The following DTYMK variants were observed in gnomAD, a reference collection of about 807,000 sequenced individuals.
DTYMK encodes thymidylate kinase.
A neutral mutation model predicts 20.3 loss-of-function variants in DTYMK; 20 were observed. The observed-to-expected ratio is 0.99, with a 90% CI of 0.69 to 1.43. The LOEUF is 1.43. Ranked by LOEUF, DTYMK falls within the 40% of genes most tolerant of loss-of-function variation. DTYMK has a pLI of 0.00. For synonymous variants in DTYMK, 148 were observed against 124.4 expected (o/e 1.19, Z -1.27); for missense variants, 320 against 291.1 (o/e 1.10, Z -0.72).
chr2:241,676,084 CG>C lies in DTYMK; in HGVS notation c.*42del. ...GGCCTTCCGCGAGTCTCCCACCTCT[CG>C]GGGGACTGCAGGGAGAGGCGTCTCC... On this transcript the variant is annotated 3_prime_UTR_variant, in exon 5 of 5. Transcript: ENST00000305784. 2 of 1,561,482 alleles carry C rather than the reference CG, an allele frequency of 1.3e-6. No homozygotes were observed.
At chr2:241,679,572 G>A (rs1329938906) in intron 3 of DTYMK, among the ~76,000 whole-genome samples, 1 of 152,082 alleles carries the variant, frequency 6.6e-6, no homozygotes, top group East Asian at 1.9e-4. Context: ...AGTTGTTATA[G>A]CGAGCTTTGC....
intron 4 of DTYMK, among the ~76,000 whole-genome samples, chr2:241,677,498 G>C (rs1440269281): frequency 2.0e-5 from 3 of 152,284 alleles, no homozygotes; most frequent in Non-Finnish European, 4.4e-5. Flanking sequence ...TCTGGAGGAG[G>C]AGCTCAAGGG....
Position 241,676,006 on chromosome 2 carries a change from G to T in DTYMK, c.*121C>A. 1 of 978,568 alleles carries T rather than the reference G, an allele frequency of 1.0e-6. No homozygotes were observed. Among genetic ancestry groups the T allele is most frequent in the Non-Finnish European group, 1.4e-6 (1 of 689,676 alleles). 60.6% of individuals were successfully genotyped at this position (978,568 alleles called of 1,614,324 possible). ...CAGAAGAGGCAGCCTGCAGATCTCTGCTGCCGGGAAAGAGCTCCTGAAGTT... is the reference window on the plus strand; with the variant it reads ...CAGAAGAGGCAGCCTGCAGATCTCTTCTGCCGGGAAAGAGCTCCTGAAGTT... On this transcript the variant is annotated 3_prime_UTR_variant, in exon 5 of 5. Transcript: ENST00000305784.
chr2:241,677,148 G>C (rs573620452), intron 4 of DTYMK, among the ~76,000 whole-genome samples: 101 of 152,356 alleles, frequency 6.6e-4, no homozygotes, highest in Non-Finnish European at 1.2e-3. Flanking sequence ...CCCTTCTCAA[G>C]CTTCTGGGAC....
At chr2:241,683,465 G>C (rs2069311879) in intron 2 of DTYMK, among the ~76,000 whole-genome samples, 1 of 152,058 alleles carries the variant, frequency 6.6e-6, no homozygotes, top group South Asian at 2.1e-4. Flanking sequence ...GCAATTGTTA[G>C]TGTATTTTAT....
intron 3 of DTYMK, among the ~76,000 whole-genome samples, chr2:241,679,638 C>CG (rs377103803): frequency 6.7e-6 from 1 of 150,204 alleles, no homozygotes; most frequent in Non-Finnish European, 1.5e-5. Flanking sequence ...TTTCAAAAAA[C>CG]GGGGGAAAAA....
chr2:241,677,706 G>A (rs1032549569), intron 4 of DTYMK, among the ~76,000 whole-genome samples: 9 of 152,218 alleles, frequency 5.9e-5, no homozygotes, highest in Non-Finnish European at 1.0e-4. Flanking sequence ...AGAGTCCAGC[G>A]TCCTGGGAGC....
intron 2 of DTYMK, chr2:241,681,981 C>T (rs138805856): frequency 4.3e-4 from 124 of 286,132 alleles, no homozygotes; most frequent in African/African-American, 2.6e-3. Flanking sequence ...GAGTTTAAGG[C>T]TGCAGTAAGC....
At chr2:241,683,400 C>A (rs1006943027) in intron 2 of DTYMK, among the ~76,000 whole-genome samples, 24 of 152,176 alleles carry the variant, frequency 1.6e-4, no homozygotes, top group African/African-American at 5.8e-4. Flanking sequence ...CAGCCCAACA[C>A]AAATTTGTTA....
chr2:241,679,093 C>T (rs1334574225), intron 3 of DTYMK, among the ~76,000 whole-genome samples: 1 of 152,224 alleles, frequency 6.6e-6, no homozygotes, highest in African/African-American at 2.4e-5. Flanking sequence ...TCTCCTCTCC[C>T]GTGGAAGAGC....
rs1007947119 is a variant in DTYMK at position 241,684,763 on chromosome 2, A to G, written c.239+1006T>C. 6 of 463,362 alleles carry G rather than the reference A, an allele frequency of 1.3e-5. No homozygotes were observed. In the Admixed American group the frequency reaches 1.5e-4, roughly 12 times the overall value. 28.7% of individuals were successfully genotyped at this position (463,362 alleles called of 1,614,324 possible). The stretch of plus-strand genomic sequence containing the variant: ...AGAGGAAACCTACTACAATGATGTA[A>G]AACAAAAAAAGGTGGTAGGAGAGTT... On this transcript the variant is annotated intron_variant, in intron 2 of 4. Coordinates refer to ENST00000305784, the MANE Select transcript of DTYMK (RefSeq NM_012145.4).
intron 2 of DTYMK, 66 bp downstream of exon 2, chr2:241,685,703 G>A (rs1021039555): frequency 2.8e-5 from 42 of 1,491,506 alleles, no homozygotes; most frequent in Admixed American, 6.8e-5. Flanking sequence ...CGAGTGCTGC[G>A]TTCACTGAAT....
intron 4 of DTYMK, 41 bp from the exon 5 acceptor site, chr2:241,676,278 G>C: frequency 6.4e-7 from 1 of 1,571,514 alleles, no homozygotes; most frequent in Non-Finnish European, 8.6e-7. Flanking sequence ...AGGCTCATCA[G>C]CACGTTCCAG....
intron 2 of DTYMK, among the ~76,000 whole-genome samples, chr2:241,684,080 CA>C (rs939121827): frequency 4.7e-5 from 7 of 150,328 alleles, no homozygotes; most frequent in Admixed American, 2.0e-4. Context: ...AACAAAACAA[CA>C]AAAAAAAACT....
intron 3 of DTYMK, 38 bp from the exon 4 acceptor site, chr2:241,678,687 G>C: frequency 6.3e-7 from 1 of 1,598,106 alleles, no homozygotes; most frequent in African/African-American, 1.3e-5. Flanking sequence ...GCTTAGTGTA[G>C]TCTAGGTTTT....
chr2:241,685,508 A>G, intron 2 of DTYMK: 1 of 311,140 alleles, frequency 3.2e-6, no homozygotes, highest in Non-Finnish European at 6.0e-6. Flanking sequence ...CTGGCGACAG[A>G]GCGGAACTCC....
chr2:241,680,437 G>T (rs1255891669), intron 2 of DTYMK, 118 bp from the exon 3 acceptor site: 1 of 1,056,040 alleles, frequency 9.5e-7, no homozygotes, highest in Non-Finnish European at 1.4e-6. Context: ...AGCGCTTTGG[G>T]AGGCTGAGGC....
intron 4 of DTYMK, among the ~76,000 whole-genome samples, chr2:241,676,975 C>T (rs1055913704): frequency 2.0e-5 from 3 of 152,238 alleles, no homozygotes; most frequent in African/African-American, 7.2e-5. Flanking sequence ...TGAATTTGGT[C>T]CTAACAGCTG....
chr2:241,678,356 C>A, intron 4 of DTYMK, 96 bp downstream of exon 4: 2 of 1,540,926 alleles, frequency 1.3e-6, no homozygotes, highest in South Asian at 1.2e-5. Flanking sequence ...CAGACGGAAA[C>A]GGCAGCAGCT....
Sources: allele counts gnomAD v4.1 joint callset (sites outside exome capture counted in the v4.1 genomes callset), GRCh38; gene constraint gnomAD v4.1.1; transcripts MANE v1.5; gene names NCBI Gene and HGNC (gene_info 2026-07-23, HGNC 2026-07-21).